The following RGS6 variants were observed in gnomAD, a reference collection of about 807,000 sequenced individuals.
RGS6 encodes regulator of G-protein signaling 6.
A neutral mutation model predicts 78.5 loss-of-function variants in RGS6; 30 were observed. That is an observed-to-expected ratio of 0.38 (90% CI 0.29 to 0.52). The LOEUF is 0.52. Ranked by LOEUF, RGS6 falls within the 20% of genes least tolerant of loss-of-function variation. The probability of loss-of-function intolerance (pLI) is 0.85; values close to 1 mark genes in which losing one functional copy is unlikely to be tolerated. For missense variants in RGS6, 495 were observed against 609.7 expected, an observed-to-expected ratio of 0.81 and a Z score of 1.98; for synonymous variants, 206 against 206.0, an observed-to-expected ratio of 1.00 and a Z score of 0.00.
intron 3 of RGS6, among the ~76,000 whole-genome samples, chr14:72,387,141 A>G (rs985577521): frequency 2.6e-5 from 4 of 152,180 alleles, no homozygotes; most frequent in African/African-American, 9.6e-5. Flanking sequence ...ATATTAATAC[A>G]CATTATAAGA....
intron 3 of RGS6, among the ~76,000 whole-genome samples, chr14:72,402,382 A>T (rs991904359): frequency 6.6e-6 from 1 of 152,232 alleles, no homozygotes; most frequent in African/African-American, 2.4e-5. Context: ...TTTCCTATCA[A>T]AGACAATGGT....
chr14:72,200,038 C>G (rs1451675243), intron 2 of RGS6, among the ~76,000 whole-genome samples: 1 of 152,188 alleles, frequency 6.6e-6, no homozygotes, highest in Non-Finnish European at 1.5e-5. Context: ...CATTTCTGCA[C>G]TGTGCTTTCA....
At chr14:72,072,442 G>A (rs895289210) in intron 2 of RGS6, among the ~76,000 whole-genome samples, 1 of 152,004 alleles carries the variant, frequency 6.6e-6, no homozygotes, top group Non-Finnish European at 1.5e-5. Flanking sequence ...CTGAGTGCTG[G>A]GACTACAGGT....
chr14:72,247,202 C>T (rs1430183571), intron 2 of RGS6, among the ~76,000 whole-genome samples: 7 of 152,148 alleles, frequency 4.6e-5, no homozygotes. Context: ...TGATGGTATG[C>T]CAGCTTAGAC....
At chr14:72,450,885 G>A (rs1418774543) in intron 3 of RGS6, among the ~76,000 whole-genome samples, 6 of 152,208 alleles carry the variant, frequency 3.9e-5, no homozygotes, top group Admixed American at 2.6e-4. Context: ...ATGCTACAGC[G>A]TAATCACTGT....
chr14:72,187,097 T>G (rs1261114226), intron 2 of RGS6, among the ~76,000 whole-genome samples: 1 of 152,224 alleles, frequency 6.6e-6, no homozygotes, highest in Non-Finnish European at 1.5e-5. Flanking sequence ...TTAAAGGGCT[T>G]AGAAAATGTA....
chr14:72,345,493 C>A (rs1056782938), intron 2 of RGS6, among the ~76,000 whole-genome samples: 1 of 152,180 alleles, frequency 6.6e-6, no homozygotes, highest in African/African-American at 2.4e-5. Context: ...ATTGAAATTG[C>A]AGCCTTTGAA....
At chr14:71,988,579 CGGA>C (rs2094821445) in intron 2 of RGS6, among the ~76,000 whole-genome samples, 1 of 151,738 alleles carries the variant, frequency 6.6e-6, no homozygotes, top group Admixed American at 6.6e-5. Flanking sequence ...TGAGCTACCA[CGGA>C]GGAGTTGAGT....
chr14:72,479,519 C>G (rs576336768), intron 12 of RGS6, among the ~76,000 whole-genome samples: 5 of 152,184 alleles, frequency 3.3e-5, no homozygotes, highest in Non-Finnish European at 7.4e-5. Flanking sequence ...CCAAATGTCC[C>G]CTGGGTGGGG....
the RGS6 span, among the ~76,000 whole-genome samples, chr14:71,920,836 C>T: frequency 2.0e-5 from 3 of 151,896 alleles, no homozygotes; most frequent in Non-Finnish European, 4.4e-5. Context: ...GCACAGGCAA[C>T]GAAAGCAAAA....
chr14:72,499,636 T>C (rs1379151565), intron 13 of RGS6, among the ~76,000 whole-genome samples: 2 of 152,216 alleles, frequency 1.3e-5, no homozygotes, highest in East Asian at 3.8e-4. Context: ...CTCTACATAC[T>C]GTGTTTAGTT....
chr14:72,480,955 A>C (rs1178511877), intron 12 of RGS6, among the ~76,000 whole-genome samples: 2 of 152,178 alleles, frequency 1.3e-5, no homozygotes, highest in African/African-American at 4.8e-5. Flanking sequence ...TGGGATGTCT[A>C]CAGTCAGGGT....
At chr14:72,236,988 A>G (rs562378657) in intron 2 of RGS6, among the ~76,000 whole-genome samples, 1 of 152,248 alleles carries the variant, frequency 6.6e-6, no homozygotes, top group East Asian at 1.9e-4. Flanking sequence ...ACGTGCACGC[A>G]GAGGGAACCC....
intron 2 of RGS6, among the ~76,000 whole-genome samples, chr14:72,174,135 T>C (rs1598843952): frequency 6.6e-6 from 1 of 152,126 alleles, no homozygotes; most frequent in Admixed American, 6.5e-5. Context: ...TGAGGTGGGG[T>C]TTCACTCTTG....
chr14:72,603,267 T>G, the RGS6 span, among the ~76,000 whole-genome samples: 1 of 152,198 alleles, frequency 6.6e-6, no homozygotes, highest in Non-Finnish European at 1.5e-5. Flanking sequence ...GCAGCAAGAC[T>G]TGAAGGATTT....
chr14:72,416,994 C>G (rs2093860137), intron 3 of RGS6, among the ~76,000 whole-genome samples: 1 of 152,214 alleles, frequency 6.6e-6, no homozygotes. Context: ...GATGTTAGCA[C>G]TGCATCACGA....
rs2096186129 is a variant in RGS6, at chr14:72,474,618, T to C, written c.619-7T>C. On this transcript the variant is annotated splice_polypyrimidine_tract_variant and splice_region_variant and intron_variant, in intron 9 of 17. Coordinates refer to ENST00000553525, the MANE Select transcript of RGS6 (RefSeq NM_001204424.2). ...GTAATTTATATGATGTGTTTTTTTT[T>C]TCTCAGCCAGGCTGTGTGAACACAA... The C allele has an allele frequency of 1.3e-6, 2 of 1,598,126 alleles. No individual in the cohort carries two copies. Among genetic ancestry groups the C allele is most frequent in the African/African-American group, 2.7e-5 (2 of 73,728 alleles).
chr14:72,247,205 G>A (rs1228331608), intron 2 of RGS6, among the ~76,000 whole-genome samples: 1 of 152,174 alleles, frequency 6.6e-6, no homozygotes, highest in Non-Finnish European at 1.5e-5. Flanking sequence ...TGGTATGCCA[G>A]CTTAGACTTT....
At chr14:71,966,859 T>A (rs2153058009) in intron 2 of RGS6, among the ~76,000 whole-genome samples, 1 of 152,290 alleles carries the variant, frequency 6.6e-6, no homozygotes, top group East Asian at 1.9e-4. Flanking sequence ...AGCAAATTTA[T>A]ACAGTGAGTT....
Sources: gnomAD v4.1 joint callset for allele counts (sites outside exome capture counted in the v4.1 genomes callset) on GRCh38, gnomAD v4.1.1 for gene constraint, MANE v1.5 for transcripts, NCBI Gene and HGNC (gene_info 2026-07-23, HGNC 2026-07-21) for gene names.